Variants in CAD observed in about 807,000 individuals in gnomAD.
CAD encodes carbamoyl-phosphate synthetase 2, aspartate transcarbamylase, and dihydroorotase.
CAD carries 81 observed loss-of-function variants against 237.2 expected under a neutral mutation model. The observed-to-expected ratio is 0.34, with a 90% confidence interval of 0.29 to 0.41. The LOEUF (loss-of-function observed/expected upper bound fraction) is 0.41. CAD is among the 10% of genes least tolerant of loss of function. The pLI is 1.00. For missense variants in CAD, 2,181 were observed against 2,951.7 expected (o/e 0.74, Z 6.05); for synonymous variants, 1,196 against 1,162.8 (o/e 1.03, Z -0.58).
At chr2:27,218,739 C>T (rs1021437724) in intron 2 of CAD, among the ~76,000 whole-genome samples, 3 of 151,900 alleles carry the variant, frequency 2.0e-5, no homozygotes, top group African/African-American at 7.3e-5. Flanking sequence ...ACTAAGTTGC[C>T]CTCTGACAGT....
In CAD at chr2:27,226,261, A is replaced by G. The variant is rs780774644; in HGVS notation, c.1973A>G (p.His658Arg). 1 of 1,614,208 alleles carries G rather than the reference A, an allele frequency of 6.2e-7. No individual in the cohort carries two copies. Among genetic ancestry groups the G allele is most frequent in the Non-Finnish European group, 8.5e-7 (1 of 1,180,030 alleles). Residue 658 changes from histidine to arginine, a missense_variant, in exon 13 of 44, where the codon CAC becomes CGC. Around this residue, in one of 12 missense-constraint regions of CAD, gnomAD observed 385 missense variants for 535.1 expected, o/e 0.72. Coordinates refer to ENST00000264705, the MANE Select transcript of CAD (RefSeq NM_004341.5). ...CAGACAGCTATCAAGGTGACCCAGC[A>G]CCTGGGAATTGTTGGGGAGTGCAAT... ...LRQTAIKVTQ[H>R]LGIVGECNVQ...
chr2:27,226,616 A>C lies in CAD; in HGVS notation c.2123A>C (p.Lys708Thr), dbSNP rs556041181. ...TATCCACTGGCTTATGTGGCAGCCA[A>C]GCTAGCATTGGGCATCCCTTTGCCT... Reference protein sequence around the residue: ...TGYPLAYVAAKLALGIPLPEL... With the variant: ...TGYPLAYVAATLALGIPLPEL... Residue 708 changes from lysine to threonine, a missense_variant, in exon 14 of 44, where the codon AAG (lysine) becomes ACG (threonine). Around this residue, in one of 12 missense-constraint regions of CAD, gnomAD observed 385 missense variants for 535.1 expected, o/e 0.72. Coordinates refer to ENST00000264705, the MANE Select transcript of CAD (RefSeq NM_004341.5). 6.2e-7 allele frequency: 1 copy of C among 1,614,096 alleles called. No homozygotes were observed. Among genetic ancestry groups the C allele is most frequent in the African/African-American group, 1.3e-5 (1 of 75,032 alleles).
Position 27,239,951 on chromosome 2 carries a change from C to A in CAD, c.5496+153C>A. ...TTGGGTCAATTATTTTTTTAAAATG[C>A]TGGGCCAGGCCAGATGTGGTGGCTC... is the stretch of plus-strand genomic sequence containing the variant. On this transcript the variant is annotated intron_variant, in intron 34 of 43. Transcript: ENST00000264705. The surrounding 1 kb of genome is among the most constrained non-coding windows in gnomAD (Gnocchi z 4.0). The A allele has an allele frequency of 1.6e-6, 1 of 621,164 alleles. No homozygotes were observed. The highest frequency in any genetic ancestry group is 2.7e-6 in the Non-Finnish European group (1 of 371,070). 38.5% of individuals were successfully genotyped at this position (621,164 alleles called of 1,614,324 possible).
chr2:27,241,280 C>A lies in CAD; in HGVS notation c.5809-42C>A. The A allele has an allele frequency of 6.2e-7, 1 of 1,613,798 alleles. No homozygotes were observed. Among genetic ancestry groups the A allele is most frequent in the Non-Finnish European group, 8.5e-7 (1 of 1,179,808 alleles). Reference sequence around the variant, plus strand: ...CCCAGAGCTTTGAGGATTTGGAAAGCTGGGGCTAGGACCTTTCTAGCTAAC... The same window carrying A: ...CCCAGAGCTTTGAGGATTTGGAAAGATGGGGCTAGGACCTTTCTAGCTAAC... On this transcript the variant is annotated intron_variant, in intron 37 of 43. Transcript: ENST00000264705. The surrounding 1 kb of genome is among the most constrained non-coding windows in gnomAD (Gnocchi z 4.6).
Position 27,218,030 on chromosome 2 carries a change from G to A in CAD, c.222+14G>A, listed in dbSNP as rs1331003861. 2 of 1,581,896 alleles carry A rather than the reference G, an allele frequency of 1.3e-6. No individual in the cohort carries two copies. The highest frequency in any genetic ancestry group is 1.7e-6 in the Non-Finnish European group (2 of 1,166,414). On this transcript the variant is annotated intron_variant, in intron 2 of 43. Coordinates refer to ENST00000264705, the MANE Select transcript of CAD (RefSeq NM_004341.5). ...GGTCTCTGCAAGGTAGCCACACCCA[G>A]TGCTTTCTCTACATTCCTTTTCAAG...
rs915290714 is a variant in CAD, at chr2:27,217,395, C to G, written c.-157C>G. The G allele has an allele frequency of 3.0e-6, 2 of 672,454 alleles. No homozygotes were observed. Among genetic ancestry groups the G allele is most frequent in the South Asian group, 3.4e-5 (2 of 59,608 alleles). 41.7% of individuals were successfully genotyped at this position (672,454 alleles called of 1,614,324 possible). ...GTCTCTGCTGCTGCCGCCAAGCGCG[C>G]CCGAGGCTCCTACGCTGCCGCGCCC... On this transcript the variant is annotated 5_prime_UTR_variant, in exon 1 of 44. Transcript: ENST00000264705.
rs1384090085 is a variant in CAD, at chr2:27,234,660, C to G, written c.3761C>G (p.Thr1254Ser). The change falls in exon 23 of 44, where the codon ACT becomes AGT. Residue 1254 changes from threonine to serine, a missense_variant. Transcript: ENST00000264705. ...GEEVEPVGLM[T>S]GSGVVGVKVP... is the part of the protein sequence containing the mutation. ...GAAGTGGAACCTGTGGGGCTAATGA[C>G]TGGTTCTGGAGTCGTGGGAGTAAAG... The G allele has an allele frequency of 6.2e-7, 1 of 1,614,108 alleles. No homozygotes were observed. Among genetic ancestry groups the G allele is most frequent in the South Asian group, 1.1e-5 (1 of 91,080 alleles).
intron 9 of CAD, 47 bp downstream of exon 9, chr2:27,224,537 A>G (rs1290593104): frequency 6.2e-7 from 1 of 1,600,986 alleles, no homozygotes; most frequent in East Asian, 2.2e-5. Flanking sequence ...ACCCTCAAGA[A>G]TGGAAAGGGT....
rs2148050029 is a variant in CAD, at chr2:27,217,497, G to C, written c.-55G>C. 1 of 1,444,776 alleles carries C rather than the reference G, an allele frequency of 6.9e-7. No individual in the cohort carries two copies. The highest frequency in any genetic ancestry group is 2.4e-5 in the East Asian group (1 of 40,898). 89.5% of individuals were successfully genotyped at this position (1,444,776 alleles called of 1,614,324 possible). A position where few individuals can be genotyped will look rare whatever the true frequency, so the allele number is the denominator to read the frequency against. On this transcript the variant is annotated 5_prime_UTR_variant, in exon 1 of 44. Coordinates refer to ENST00000264705, the MANE Select transcript of CAD (RefSeq NM_004341.5). Reference sequence around the variant, plus strand: ...GCCGTCCTCACGTGGTTCCAGTGGAGTTTGCAGTCCTTCCCGCTTCTCCGT... The same window carrying C: ...GCCGTCCTCACGTGGTTCCAGTGGACTTTGCAGTCCTTCCCGCTTCTCCGT...
intron 2 of CAD, 121 bp from the exon 3 acceptor site, chr2:27,221,097 G>C: frequency 1.4e-6 from 1 of 716,866 alleles, no homozygotes; most frequent in Non-Finnish European, 2.1e-6. Context: ...AGCACCAAAA[G>C]TTTGGTATAT....
intron 22 of CAD, 88 bp from the exon 23 acceptor site, chr2:27,234,430 G>A: frequency 7.4e-7 from 1 of 1,354,376 alleles, no homozygotes; most frequent in Non-Finnish European, 1.0e-6. Flanking sequence ...ATCCCCCAGA[G>A]CTGAGGACGG....
chr2:27,238,392 T>C (rs1191221942), intron 30 of CAD, 39 bp from the exon 31 acceptor site: 1 of 1,530,436 alleles, frequency 6.5e-7, no homozygotes, highest in Admixed American at 1.9e-5. Context: ...GCAAGGCATA[T>C]GGGTGGTGCC....
Position 27,240,469 on chromosome 2 carries a change from C to T in CAD, c.5593+108C>T. 2.0e-6 allele frequency: 3 copies of T among 1,481,370 alleles called. No individual in the cohort carries two copies. The highest frequency in any genetic ancestry group is 1.2e-5 in the South Asian group (1 of 86,670). 91.8% of individuals were successfully genotyped at this position (1,481,370 alleles called of 1,614,324 possible). ...ATGTCCTCCTCTCCATCCCTTTATC[C>T]TCGTCTGATCTGCCGTGCCATCCTT... On this transcript the variant is annotated intron_variant, in intron 35 of 43. Coordinates refer to ENST00000264705, the MANE Select transcript of CAD (RefSeq NM_004341.5). This position sits in a 1 kb window ranked among gnomAD's most constrained non-coding sequence, Gnocchi z 4.6.
rs547041298 is a variant in CAD, at chr2:27,240,726, C to T, written c.5594-185C>T. 1.3e-5 allele frequency: 16 copies of T among 1,274,976 alleles called. No homozygotes were observed. In the African/African-American group the frequency reaches 2.4e-4, roughly 19 times the overall value. 79.0% of individuals were successfully genotyped at this position (1,274,976 alleles called of 1,614,324 possible). On this transcript the variant is annotated intron_variant, in intron 35 of 43. Transcript: ENST00000264705. The surrounding 1 kb of genome is among the most constrained non-coding windows in gnomAD (Gnocchi z 4.6). Reference sequence around the variant, plus strand: ...GCACCACTGCTCCCATACAACACAGCCCCATGGGAAGCCACCTGTCTGTCC... The same window carrying T: ...GCACCACTGCTCCCATACAACACAGTCCCATGGGAAGCCACCTGTCTGTCC...
intron 5 of CAD, 28 bp from the exon 6 acceptor site, chr2:27,222,838 T>C (rs1402275450): frequency 6.2e-7 from 1 of 1,610,894 alleles, no homozygotes; most frequent in Admixed American, 1.7e-5. Context: ...AATACTGATT[T>C]TGATGTCATC....
Position 27,237,525 on chromosome 2 carries a change from G to C in CAD, c.4543G>C (p.Ala1515Pro). The change falls in exon 28 of 44, where the codon GCT becomes CCT. Residue 1515 changes from alanine to proline, a missense_variant. Ala to Pro is a conservative substitution (Grantham distance 27). Around this residue, in one of 12 missense-constraint regions of CAD, gnomAD observed 478 missense variants for 515.0 expected, o/e 0.93. Coordinates refer to ENST00000264705, the MANE Select transcript of CAD (RefSeq NM_004341.5). This position sits in a 1 kb window ranked among gnomAD's most constrained non-coding sequence, Gnocchi z 4.0. Reference protein sequence around the residue: ...NTRPPIIDAPALALAQKLAEA... With the variant: ...NTRPPIIDAPPLALAQKLAEA... ...CCGGCCCCCCATCATTGACGCCCCT[G>C]CTCTGGCCCTGGCCCAGAAGGTGAG... 6.2e-7 allele frequency: 1 copy of C among 1,613,598 alleles called. No homozygotes were observed. Among genetic ancestry groups the C allele is most frequent in the Non-Finnish European group, 8.5e-7 (1 of 1,179,872 alleles).
At chr2:27,231,881 G>A in intron 16 of CAD, 99 bp from the exon 17 acceptor site, 2 of 1,432,246 alleles carry the variant, frequency 1.4e-6, no homozygotes, top group Non-Finnish European at 1.9e-6. Flanking sequence ...CTGTGCTCTG[G>A]TGTACAGTTT....
At position 27,242,568 on chromosome 2, in the gene CAD, G is replaced by A; in HGVS notation, c.6223-52G>A. 3 of 1,561,724 alleles carry A rather than the reference G, an allele frequency of 1.9e-6. No homozygotes were observed. The stretch of plus-strand genomic sequence containing the variant: ...AGGCTTTTAAAAGCTTGGAAATGAT[G>A]TCGGGGGGCACTCAGTCTGGGATCC... On this transcript the variant is annotated intron_variant, in intron 40 of 43. Coordinates refer to ENST00000264705, the MANE Select transcript of CAD (RefSeq NM_004341.5). This position sits in a 1 kb window ranked among gnomAD's most constrained non-coding sequence, Gnocchi z 6.4.
At position 27,221,249 on chromosome 2, in the gene CAD, C is replaced by T. The variant is rs1181351393; in HGVS notation, c.254C>T (p.Ala85Val). ...WFESSGIHVA[A>V]LVVGECCPTP... is the part of the protein sequence containing the mutation. ...GAATCCTCGGGCATCCACGTAGCAG[C>T]ACTGGTAGTGGGAGAGTGCTGTCCT... The change falls in exon 3 of 44, where the codon GCA becomes GTA. Residue 85 changes from alanine to valine, a missense_variant. Physicochemically the swap from Ala to Val is moderately conservative, Grantham distance 64. This residue lies in a region of CAD where 314 missense variants were observed against 339.4 expected (regional missense o/e 0.93). Transcript: ENST00000264705. 4 of 1,579,726 alleles carry T rather than the reference C, an allele frequency of 2.5e-6. No individual in the cohort carries two copies. The highest frequency in any genetic ancestry group is 1.8e-5 in the Admixed American group (1 of 56,726).
Sources: allele counts gnomAD v4.1 joint callset (sites outside exome capture counted in the v4.1 genomes callset), GRCh38; gene constraint gnomAD v4.1.1; regional missense constraint gnomAD v4.1.1; non-coding constraint Gnocchi (gnomAD v3.1); transcripts MANE v1.5; gene names NCBI Gene and HGNC (gene_info 2026-07-23, HGNC 2026-07-21).